Variants in OLA1 observed in about 807,000 individuals in gnomAD.
OLA1 encodes the protein Obg like ATPase 1.
Under a neutral mutation model 48.4 loss-of-function variants are expected in OLA1, and 14 were observed. That is an observed-to-expected ratio of 0.29 (90% CI 0.19 to 0.45). The LOEUF is 0.45. OLA1 is among the 20% of genes least tolerant of loss of function. OLA1 has a pLI of 1.00. For synonymous variants in OLA1, 127 were observed against 150.4 expected (o/e 0.84, Z 1.14); for missense variants, 325 against 467.1 (o/e 0.70, Z 2.80).
intron 4 of OLA1, among the ~76,000 whole-genome samples, chr2:174,190,756 A>T (rs1014916188): frequency 2.6e-5 from 4 of 151,926 alleles, no homozygotes; most frequent in African/African-American, 9.7e-5. Context: ...GGACAAAAAT[A>T]TACCTTAGCT....
intron 6 of OLA1, 23 bp downstream of exon 6, chr2:174,123,572 A>G: frequency 1.4e-6 from 2 of 1,426,552 alleles, no homozygotes; most frequent in South Asian, 1.3e-5. Flanking sequence ...GCAGTAATAG[A>G]TGGCATGATA....
intron 4 of OLA1, among the ~76,000 whole-genome samples, chr2:174,163,774 A>AT (rs1687089823): frequency 7.7e-5 from 3 of 39,140 alleles, no homozygotes; most frequent in Non-Finnish European, 1.2e-4. Flanking sequence ...ATATATATAT[A>AT]TAAATAAATG....
chr2:174,220,878 G>C (rs982666599), intron 4 of OLA1, among the ~76,000 whole-genome samples: 1 of 151,900 alleles, frequency 6.6e-6, no homozygotes, highest in East Asian at 1.9e-4. Context: ...CCTAACTTTC[G>C]GATGTTCTAA....
chr2:174,123,719 AC>A, intron 5 of OLA1, 44 bp from the exon 6 acceptor site: 2 of 978,462 alleles, frequency 2.0e-6, no homozygotes, highest in South Asian at 3.9e-5. Context: ...GAATAACTAA[AC>A]ATTTAGATAC....
chr2:174,232,134 T>C (rs1407559565), intron 2 of OLA1, among the ~76,000 whole-genome samples: 1 of 152,166 alleles, frequency 6.6e-6, no homozygotes, highest in Non-Finnish European at 1.5e-5. Flanking sequence ...CTAGACTAAA[T>C]GTATGCCCCC....
chr2:174,081,262 A>G lies in OLA1; in HGVS notation c.870-14T>C, dbSNP rs745407489. The stretch of plus-strand genomic sequence containing the variant: ...TTTGGCAAAGCACTGAAATCAAATG[A>G]AACAAATTCACCCAACACATAAGTT... On this transcript the variant is annotated splice_polypyrimidine_tract_variant and intron_variant, in intron 8 of 10. Transcript: ENST00000284719. 6 of 1,595,836 alleles carry G rather than the reference A, an allele frequency of 3.8e-6. No individual in the cohort carries two copies. In the African/African-American group the frequency reaches 5.4e-5, roughly 14 times the overall value.
chr2:174,197,434 T>TG (rs1559000246), intron 4 of OLA1, among the ~76,000 whole-genome samples: 1 of 33,946 alleles, frequency 2.9e-5, no homozygotes, highest in Non-Finnish European at 5.4e-5. Flanking sequence ...GGTTTGTTGT[T>TG]TTTTTTTTTT....
At chr2:174,206,373 A>C (rs529121536) in intron 4 of OLA1, among the ~76,000 whole-genome samples, 1 of 152,230 alleles carries the variant, frequency 6.6e-6, no homozygotes, top group Non-Finnish European at 1.5e-5. Flanking sequence ...TCTCTTAAAA[A>C]AACAAACAAA....
intron 5 of OLA1, among the ~76,000 whole-genome samples, chr2:174,141,244 C>G (rs953429614): frequency 4.7e-4 from 72 of 152,176 alleles, no homozygotes; most frequent in African/African-American, 1.7e-3. Context: ...GGCACCGTTT[C>G]TTAAATGTTA....
intron 4 of OLA1, among the ~76,000 whole-genome samples, chr2:174,221,940 T>C (rs760977615): frequency 6.6e-6 from 1 of 152,158 alleles, no homozygotes; most frequent in Non-Finnish European, 1.5e-5. Context: ...ACAGCCTCAT[T>C]CTTTTATCTA....
intron 4 of OLA1, among the ~76,000 whole-genome samples, chr2:174,164,709 A>G (rs1177488436): frequency 6.6e-6 from 1 of 152,164 alleles, no homozygotes; most frequent in Non-Finnish European, 1.5e-5. Flanking sequence ...ACTGATAGGT[A>G]GAGATTTGTT....
intron 4 of OLA1, among the ~76,000 whole-genome samples, chr2:174,143,258 A>G (rs1686499830): frequency 6.6e-6 from 1 of 152,334 alleles, no homozygotes. Flanking sequence ...TCAAATTCAT[A>G]TGAGCAAAAT....
intron 5 of OLA1, among the ~76,000 whole-genome samples, chr2:174,140,407 G>A (rs1025759331): frequency 3.4e-5 from 5 of 148,018 alleles, no homozygotes; most frequent in East Asian, 2.0e-4. Flanking sequence ...TCACTCTGTC[G>A]CCCAGCCTGG....
chr2:174,170,074 A>C (rs1687259620), intron 4 of OLA1, among the ~76,000 whole-genome samples: 2 of 152,222 alleles, frequency 1.3e-5, no homozygotes, highest in Non-Finnish European at 2.9e-5. Context: ...ACTACTAAAA[A>C]TACATAAAAT....
intron 4 of OLA1, among the ~76,000 whole-genome samples, chr2:174,193,233 G>A (rs192987512): frequency 2.0e-5 from 3 of 152,006 alleles, no homozygotes; most frequent in Non-Finnish European, 4.4e-5. Context: ...GGGATTATAG[G>A]CATGCACCAC....
Position 174,116,208 on chromosome 2 carries a change from C to T in OLA1, c.728+6972G>A, listed in dbSNP as rs767028561. On this transcript the variant is annotated intron_variant, in intron 7 of 10. Transcript: ENST00000284719. ...AGGAGTATATGCAAAGTTCATAAGT[C>T]GGTTATTTTAAAACACATTTTTAAA... Among the ~76,000 whole-genome samples, 165 of 152,128 alleles carry T rather than the reference C, an allele frequency of 1.1e-3. 1 individual carries two copies. The highest frequency in any genetic ancestry group is 9.1e-4 in the Non-Finnish European group (62 of 68,028).
chr2:174,092,054 G>A (rs1289727957), intron 7 of OLA1, among the ~76,000 whole-genome samples: 1 of 149,932 alleles, frequency 6.7e-6, no homozygotes, highest in Non-Finnish European at 1.5e-5. Flanking sequence ...TTGAACCTGG[G>A]AGGCGGAGGT....
intron 10 of OLA1, 58 bp downstream of exon 10, chr2:174,078,910 G>A: frequency 6.6e-7 from 1 of 1,515,396 alleles, no homozygotes; most frequent in African/African-American, 1.4e-5. Flanking sequence ...TTTTTATCAT[G>A]ACTAACTTCG....
At chr2:174,124,265 C>G (rs1036574504) in intron 5 of OLA1, 1 of 146,274 alleles carries the variant, frequency 6.8e-6, no homozygotes, top group Non-Finnish European at 1.5e-5. Flanking sequence ...CTCCATTACA[C>G]AATGGCAAGA....
Sources: allele counts gnomAD v4.1 joint callset (sites outside exome capture counted in the v4.1 genomes callset), GRCh38; gene constraint gnomAD v4.1.1; transcripts MANE v1.5; gene names NCBI Gene and HGNC (gene_info 2026-07-23, HGNC 2026-07-21).